The following NPAS3 variants were observed in gnomAD, a reference collection of about 807,000 sequenced individuals.
The protein encoded by NPAS3 is neuronal PAS domain-containing protein 3.
In NPAS3, 14 loss-of-function variants were observed where a neutral mutation model predicts 73.1. The ratio of observed to expected loss-of-function variants is 0.19; its 90% confidence interval spans 0.13 to 0.30. The LOEUF (loss-of-function observed/expected upper bound fraction) is 0.30, where lower values mean the gene tolerates loss of function less well. NPAS3 is among the 10% of genes least tolerant of loss of function. NPAS3 has a pLI of 1.00. For missense variants in NPAS3, 1,096 were observed against 1,250.0 expected (o/e 0.88, Z 1.86); for synonymous variants, 620 against 541.5 (o/e 1.14, Z -2.01).
intron 1 of NPAS3, among the ~76,000 whole-genome samples, chr14:33,009,304 T>G (rs529878761): frequency 6.6e-6 from 1 of 152,184 alleles, no homozygotes; most frequent in East Asian, 1.9e-4. Context: ...CATCCAGTAG[T>G]ATGGAAAGCA....
chr14:33,659,770 T>G (rs565862977), intron 5 of NPAS3, among the ~76,000 whole-genome samples: 1 of 152,096 alleles, frequency 6.6e-6, no homozygotes, highest in Non-Finnish European at 1.5e-5. Context: ...TAATGACTCA[T>G]TAGTGACTTG....
intron 5 of NPAS3, among the ~76,000 whole-genome samples, chr14:33,627,026 G>GTATA (rs146999283): frequency 7.2e-4 from 109 of 150,654 alleles, no homozygotes; most frequent in African/African-American, 2.5e-3. Flanking sequence ...ATATTTATAC[G>GTATA]TATATATATA....
intron 5 of NPAS3, among the ~76,000 whole-genome samples, chr14:33,569,584 G>A (rs911114067): frequency 1.3e-5 from 2 of 151,902 alleles, no homozygotes; most frequent in African/African-American, 4.8e-5. Flanking sequence ...TAGGACCCCA[G>A]GTAATCCTGT....
At chr14:33,061,287 TC>T (rs2041090063) in intron 2 of NPAS3, among the ~76,000 whole-genome samples, 1 of 152,256 alleles carries the variant, frequency 6.6e-6, no homozygotes, top group East Asian at 1.9e-4. Context: ...ACAGTCATCT[TC>T]CCCTCACCTG....
chr14:33,003,231 C>G (rs1162572910), intron 1 of NPAS3, among the ~76,000 whole-genome samples: 2 of 151,548 alleles, frequency 1.3e-5, no homozygotes, highest in Admixed American at 1.3e-4. Flanking sequence ...CTCAATTATG[C>G]TAAAAACTAA....
At chr14:33,009,667 C>G (rs1210821969) in intron 1 of NPAS3, among the ~76,000 whole-genome samples, 3 of 152,108 alleles carry the variant, frequency 2.0e-5, no homozygotes, top group African/African-American at 7.2e-5. Context: ...GTTTCACACC[C>G]TTATCTTTTC....
intron 2 of NPAS3, among the ~76,000 whole-genome samples, chr14:33,183,445 T>G (rs1235134312): frequency 1.0e-5 from 1 of 99,554 alleles, no homozygotes; most frequent in East Asian, 3.5e-4. Context: ...TTTTTTTTTT[T>G]TTTTTTTTTT....
intron 2 of NPAS3, among the ~76,000 whole-genome samples, chr14:33,122,266 T>C (rs2043258362): frequency 6.6e-6 from 1 of 151,938 alleles, no homozygotes; most frequent in Non-Finnish European, 1.5e-5. Context: ...TTCTAAGTTG[T>C]GCTGTGGAAG....
chr14:33,615,539 G>A (rs2057888091), intron 5 of NPAS3, among the ~76,000 whole-genome samples: 1 of 152,188 alleles, frequency 6.6e-6, no homozygotes, highest in African/African-American at 2.4e-5. Context: ...CAATCCTGGT[G>A]ACTGTGACTC....
At chr14:33,165,535 G>T (rs1255953606) in intron 2 of NPAS3, among the ~76,000 whole-genome samples, 2 of 152,068 alleles carry the variant, frequency 1.3e-5, no homozygotes, top group Non-Finnish European at 2.9e-5. Flanking sequence ...AGCATGCGTA[G>T]TGTAAATAAA....
intron 3 of NPAS3, among the ~76,000 whole-genome samples, chr14:33,250,269 A>G (rs1259719978): frequency 2.6e-5 from 4 of 152,050 alleles, no homozygotes; most frequent in Non-Finnish European, 5.9e-5. Flanking sequence ...TGATGTTGGT[A>G]GGGTATAATA....
chr14:33,237,515 A>T (rs993864292), intron 3 of NPAS3, among the ~76,000 whole-genome samples: 4 of 152,150 alleles, frequency 2.6e-5, no homozygotes, highest in African/African-American at 9.7e-5. Flanking sequence ...ATTGAATGAC[A>T]GTGAGCAAAA....
intron 2 of NPAS3, among the ~76,000 whole-genome samples, chr14:33,127,978 T>A (rs886309641): frequency 2.0e-5 from 3 of 152,202 alleles, no homozygotes; most frequent in African/African-American, 7.2e-5. Flanking sequence ...CCTCGACTTG[T>A]GTTCACTCAG....
chr14:33,509,924 T>C (rs1375837889), intron 4 of NPAS3, among the ~76,000 whole-genome samples: 1 of 152,058 alleles, frequency 6.6e-6, no homozygotes, highest in African/African-American at 2.4e-5. Context: ...TGTACACTTA[T>C]TTTTAAACGG....
At chr14:33,753,757 A>G (rs1446443982) in intron 7 of NPAS3, among the ~76,000 whole-genome samples, 1 of 152,118 alleles carries the variant, frequency 6.6e-6, no homozygotes, top group African/African-American at 2.4e-5. Flanking sequence ...TAAGTGATCT[A>G]TTTTTTCCTA....
chr14:33,336,660 A>G (rs2044242320), intron 3 of NPAS3, among the ~76,000 whole-genome samples: 1 of 152,160 alleles, frequency 6.6e-6, no homozygotes, highest in Admixed American at 6.5e-5. Context: ...ACATCTGCAA[A>G]ATCTCTTCAC....
At chr14:33,079,359 C>T (rs1359270322) in intron 2 of NPAS3, among the ~76,000 whole-genome samples, 1 of 132,024 alleles carries the variant, frequency 7.6e-6, no homozygotes, top group Non-Finnish European at 1.6e-5. Context: ...TGCTCTGTCG[C>T]CCAGGCTGGA....
At chr14:33,380,846 A>G (rs557054611) in intron 4 of NPAS3, among the ~76,000 whole-genome samples, 2 of 152,116 alleles carry the variant, frequency 1.3e-5, no homozygotes, top group South Asian at 2.1e-4. Flanking sequence ...CTAAAGATAT[A>G]AAAAATGCAG....
At chr14:33,647,952 C>T (rs2058881619) in intron 5 of NPAS3, among the ~76,000 whole-genome samples, 1 of 152,128 alleles carries the variant, frequency 6.6e-6, no homozygotes, top group East Asian at 1.9e-4. Context: ...AATAATTGCC[C>T]ATCTTCATAA....
Sources: allele counts gnomAD v4.1 joint callset (sites outside exome capture counted in the v4.1 genomes callset), GRCh38; gene constraint gnomAD v4.1.1; transcripts MANE v1.5; gene names NCBI Gene and HGNC (gene_info 2026-07-23, HGNC 2026-07-21).